Variants in KCNC2 observed in about 807,000 individuals in gnomAD.
KCNC2 encodes the protein voltage-gated potassium channel KCNC2.
Under a neutral mutation model 44.5 loss-of-function variants are expected in KCNC2, and 21 were observed. The observed-to-expected ratio is 0.47, with a 90% CI of 0.33 to 0.68. KCNC2 has a LOEUF of 0.68. KCNC2 is among the 30% of genes least tolerant of loss of function. The pLI, the probability that KCNC2 is intolerant of heterozygous loss-of-function variation, is 0.01. For synonymous variants in KCNC2, 391 were observed against 339.1 expected (o/e 1.15, Z -1.68); for missense variants, 589 against 826.2 (o/e 0.71, Z 3.52).
chr12:75,052,032 A>T (rs1881231156), intron 2 of KCNC2, among the ~76,000 whole-genome samples: 2 of 152,100 alleles, frequency 1.3e-5, no homozygotes, highest in African/African-American at 4.8e-5. Context: ...TATAAAGCTG[A>T]AAGAGTTTTC....
chr12:75,137,259 T>A (rs745612464), intron 2 of KCNC2, among the ~76,000 whole-genome samples: 1 of 152,192 alleles, frequency 6.6e-6, no homozygotes, highest in Non-Finnish European at 1.5e-5. Flanking sequence ...GATCTCATCC[T>A]CAGCTCTTTT....
intron 2 of KCNC2, among the ~76,000 whole-genome samples, chr12:75,193,842 C>A (rs958481207): frequency 7.2e-5 from 11 of 152,138 alleles, no homozygotes; most frequent in Admixed American, 2.0e-4. Flanking sequence ...TCACCCAACT[C>A]TCTTTCAGAG....
rs112639908 is a variant in KCNC2 at position 75,126,900 on chromosome 12, TA to T, written c.688-75584del. Among the ~76,000 whole-genome samples, 686 of 152,262 alleles carry T rather than the reference TA, an allele frequency of 4.5e-3. 3 individuals are homozygous for T. The highest frequency in any genetic ancestry group is 0.015 in the African/African-American group (630 of 41,566). ...TCACATGGTATAGAGCCAACTCTTT[TA>T]TCTGTAATTTTCCAGGCATGACACT... On this transcript the variant is annotated intron_variant, in intron 2 of 4. Transcript: ENST00000549446.
intron 2 of KCNC2, among the ~76,000 whole-genome samples, chr12:75,141,257 C>G (rs1408653503): frequency 1.3e-5 from 2 of 152,146 alleles, no homozygotes; most frequent in Non-Finnish European, 2.9e-5. Context: ...ATGTCAATAC[C>G]CATCTCTAGG....
At chr12:75,072,467 C>A (rs905704765) in intron 2 of KCNC2, among the ~76,000 whole-genome samples, 1 of 152,010 alleles carries the variant, frequency 6.6e-6, no homozygotes, top group African/African-American at 2.4e-5. Context: ...ATGTCTCAGA[C>A]CTTTCAGGGA....
At chr12:75,124,122 T>C (rs1888234369) in intron 2 of KCNC2, 1 of 152,166 alleles carries the variant, frequency 6.6e-6, no homozygotes, top group Non-Finnish European at 1.5e-5. Context: ...CCTAAATAAA[T>C]TTTTACATTG....
intron 2 of KCNC2, among the ~76,000 whole-genome samples, chr12:75,115,659 A>G (rs1490728338): frequency 6.6e-6 from 1 of 152,188 alleles, no homozygotes; most frequent in East Asian, 1.9e-4. Context: ...AGTTCAGGTC[A>G]CGTCAATGCA....
chr12:75,077,339 A>G (rs1001795512), intron 2 of KCNC2, among the ~76,000 whole-genome samples: 1 of 152,158 alleles, frequency 6.6e-6, no homozygotes, highest in African/African-American at 2.4e-5. Flanking sequence ...ATAAAATTTA[A>G]TAAACTCCTA....
chr12:75,126,474 A>C (rs1272231928), intron 2 of KCNC2, among the ~76,000 whole-genome samples: 2 of 152,166 alleles, frequency 1.3e-5, no homozygotes, highest in Non-Finnish European at 2.9e-5. Flanking sequence ...TGTAACAGAA[A>C]ACTTAAAAAC....
chr12:75,185,919 G>A (rs958691897), intron 2 of KCNC2, among the ~76,000 whole-genome samples: 1 of 151,676 alleles, frequency 6.6e-6, no homozygotes, highest in Non-Finnish European at 1.5e-5. Flanking sequence ...GGTGGCAGGT[G>A]CCTGTAATAC....
chr12:75,065,313 C>T (rs1882725033), intron 2 of KCNC2, among the ~76,000 whole-genome samples: 3 of 152,050 alleles, frequency 2.0e-5, no homozygotes, highest in Admixed American at 2.0e-4. Context: ...AGACCCCTAA[C>T]AGCAGTGAGT....
At chr12:75,111,274 G>A (rs1887215698) in intron 2 of KCNC2, among the ~76,000 whole-genome samples, 1 of 152,064 alleles carries the variant, frequency 6.6e-6, no homozygotes, top group South Asian at 2.1e-4. Flanking sequence ...TAGATTTTGA[G>A]GAGATAGTTT....
At chr12:75,062,011 A>G (rs530661523) in intron 2 of KCNC2, among the ~76,000 whole-genome samples, 3 of 152,094 alleles carry the variant, frequency 2.0e-5, no homozygotes, top group Non-Finnish European at 4.4e-5. Flanking sequence ...AAAAAATAAA[A>G]CGTATGCTTT....
intron 2 of KCNC2, among the ~76,000 whole-genome samples, chr12:75,145,170 G>A (rs996269077): frequency 6.6e-6 from 1 of 151,906 alleles, no homozygotes; most frequent in Non-Finnish European, 1.5e-5. Flanking sequence ...AAGCTGAAAG[G>A]GTTGGTCTAT....
chr12:75,169,545 G>A (rs1160271328), intron 2 of KCNC2, among the ~76,000 whole-genome samples: 7 of 151,252 alleles, frequency 4.6e-5, no homozygotes, highest in African/African-American at 1.7e-4. Flanking sequence ...TAGCTCCTAC[G>A]AAAGCAAAAA....
Position 75,042,258 on chromosome 12 carries a change from T to G in KCNC2, c.*847A>C. The G allele has an allele frequency of 1.2e-6, 2 of 1,605,126 alleles. No homozygotes were observed. The highest frequency in any genetic ancestry group is 1.7e-6 in the Non-Finnish European group (2 of 1,175,934). On this transcript the variant is annotated 3_prime_UTR_variant, in exon 5 of 5. Transcript: ENST00000549446. Reference sequence around the variant, plus strand: ...CAAGCAGCAATTTCTGGCTAAACAATGCAAGCCTGGCTGGCAGTTACCTTT... The same window carrying G: ...CAAGCAGCAATTTCTGGCTAAACAAGGCAAGCCTGGCTGGCAGTTACCTTT...
At chr12:75,081,349 A>C (rs1281884843) in intron 2 of KCNC2, among the ~76,000 whole-genome samples, 1 of 151,366 alleles carries the variant, frequency 6.6e-6, no homozygotes, top group East Asian at 1.9e-4. Flanking sequence ...TATAAAGTGG[A>C]GGCACAATTT....
chr12:75,149,776 A>T (rs920886730), intron 2 of KCNC2, among the ~76,000 whole-genome samples: 2 of 151,912 alleles, frequency 1.3e-5, no homozygotes, highest in Non-Finnish European at 2.9e-5. Context: ...AAAGGAAGAT[A>T]ATAAAAATGC....
intron 2 of KCNC2, among the ~76,000 whole-genome samples, chr12:75,094,555 T>C (rs909524014): frequency 6.6e-6 from 1 of 151,790 alleles, no homozygotes; most frequent in African/African-American, 2.4e-5. Flanking sequence ...TTTTGCATTT[T>C]CCTTTAAATT....
Sources: gnomAD v4.1 joint callset for allele counts (sites outside exome capture counted in the v4.1 genomes callset) on GRCh38, gnomAD v4.1.1 for gene constraint, MANE v1.5 for transcripts, NCBI Gene and HGNC (gene_info 2026-07-23, HGNC 2026-07-21) for gene names.